Variants in LEPR observed in about 807,000 individuals in gnomAD.
LEPR encodes the protein leptin receptor, also known as OB receptor.
A neutral mutation model predicts 114.7 loss-of-function variants in LEPR; 56 were observed. That is an observed-to-expected ratio of 0.49 (90% CI 0.39 to 0.61). The LOEUF (loss-of-function observed/expected upper bound fraction) is 0.61, where lower values mean the gene tolerates loss of function less well. Ranked by LOEUF, LEPR falls within the 20% of genes least tolerant of loss-of-function variation. LEPR has a pLI of 0.00. For missense variants in LEPR, 1,202 were observed against 1,352.9 expected (o/e 0.89, Z 1.75); for synonymous variants, 443 against 461.4 (o/e 0.96, Z 0.51).
intron 2 of LEPR, among the ~76,000 whole-genome samples, chr1:65,488,210 T>TTCTCTCTCTC (rs796597694): frequency 2.3e-4 from 6 of 25,874 alleles, no homozygotes; most frequent in African/African-American, 1.1e-3. Context: ...CTTTCTTTCT[T>TTCTCTCTCTC]TCTCTCTCTC....
At chr1:65,434,567 C>T (rs1646532976) in intron 2 of LEPR, 2 of 985,296 alleles carry the variant, frequency 2.0e-6, no homozygotes, top group Non-Finnish European at 2.4e-6. Flanking sequence ...TATACCTAAC[C>T]TGTGATACTG....
At chr1:65,627,629 T>C (rs1658296755) in intron 19 of LEPR, among the ~76,000 whole-genome samples, 1 of 152,070 alleles carries the variant, frequency 6.6e-6, no homozygotes, top group Non-Finnish European at 1.5e-5. Context: ...AGAAATGAAA[T>C]AGCAAATCCA....
At chr1:65,598,402 T>G (rs1483031056) in intron 7 of LEPR, among the ~76,000 whole-genome samples, 1 of 152,136 alleles carries the variant, frequency 6.6e-6, no homozygotes, top group Non-Finnish European at 1.5e-5. Flanking sequence ...AGGTCATATA[T>G]TCATCATGAT....
chr1:65,541,136 T>A (rs1294075354), intron 2 of LEPR, among the ~76,000 whole-genome samples: 1 of 152,188 alleles, frequency 6.6e-6, no homozygotes, highest in African/African-American at 2.4e-5. Flanking sequence ...GTTTACCATC[T>A]TGAACCTGAA....
intron 2 of LEPR, among the ~76,000 whole-genome samples, chr1:65,504,645 G>A (rs1648631014): frequency 6.6e-6 from 1 of 152,200 alleles, no homozygotes; most frequent in Non-Finnish European, 1.5e-5. Context: ...GCCAAGAGCA[G>A]TCTACGGTGG....
At chr1:65,422,463 C>T (rs1646269917) in intron 1 of LEPR, among the ~76,000 whole-genome samples, 1 of 152,234 alleles carries the variant, frequency 6.6e-6, no homozygotes, top group South Asian at 2.1e-4. Context: ...CCAGAACTGT[C>T]AGAAGATAAA....
intron 5 of LEPR, among the ~76,000 whole-genome samples, chr1:65,583,172 C>T (rs940867886): frequency 6.6e-6 from 1 of 152,144 alleles, no homozygotes; most frequent in Non-Finnish European, 1.5e-5. Context: ...GAACATGGCA[C>T]AGAGCTGAGG....
intron 2 of LEPR, among the ~76,000 whole-genome samples, chr1:65,545,918 T>C (rs1012935449): frequency 3.9e-5 from 6 of 151,960 alleles, no homozygotes; most frequent in Admixed American, 6.6e-5. Flanking sequence ...CTAGGTTTTC[T>C]TCTAGGGTTT....
At chr1:65,467,540 AT>A (rs1406692142) in intron 2 of LEPR, among the ~76,000 whole-genome samples, 2 of 152,268 alleles carry the variant, frequency 1.3e-5, no homozygotes, top group African/African-American at 4.8e-5. Context: ...CTTGAACACA[AT>A]GCTGACAGAA....
At chr1:65,454,445 G>C (rs189655442) in intron 2 of LEPR, among the ~76,000 whole-genome samples, 2 of 151,816 alleles carry the variant, frequency 1.3e-5, no homozygotes, top group Non-Finnish European at 2.9e-5. Context: ...CATGTTTAGC[G>C]CTTTCTTCAG....
chr1:65,455,259 G>A (rs565930285), intron 2 of LEPR, among the ~76,000 whole-genome samples: 23 of 152,092 alleles, frequency 1.5e-4, no homozygotes, highest in African/African-American at 4.8e-4. Flanking sequence ...TAATTTGATC[G>A]TCTGAAGCCT....
chr1:65,528,831 G>A (rs1371160986), intron 2 of LEPR, among the ~76,000 whole-genome samples: 5 of 152,090 alleles, frequency 3.3e-5, no homozygotes, highest in African/African-American at 1.2e-4. Flanking sequence ...TTGAGACGGT[G>A]TCTTGCTCTG....
rs1653678733 is a variant in LEPR, at chr1:65,565,605, G to A, written c.40G>A (p.Glu14Lys). ...ATTCTGTGTGGTTTTGTTACATTGG[G>A]GTAAGTTATTTGCTCATTTGCTGTT... ...QKFCVVLLHW[E>K]FIYVITAFNL... The change falls in exon 3 of 20, where the codon GAA (glutamate) becomes AAA (lysine). Residue 14 changes from glutamate (E) to lysine (K), a missense_variant and splice_region_variant. Glu to Lys is a moderately conservative substitution (Grantham distance 56, BLOSUM62 1). Coordinates refer to ENST00000349533, the MANE Select transcript of LEPR (RefSeq NM_002303.6). 6.2e-7 allele frequency: 1 copy of A among 1,613,696 alleles called. No homozygotes were observed. Among genetic ancestry groups the A allele is most frequent in the Admixed American group, 1.7e-5 (1 of 59,974 alleles).
At chr1:65,608,152 G>GTT (rs11417022) in intron 11 of LEPR, among the ~76,000 whole-genome samples, 3,639 of 139,498 alleles carry the variant, frequency 0.026, 155 homozygotes, top group East Asian at 0.2. Flanking sequence ...CAGTCCATGG[G>GTT]TTTTTTTTTT....
intron 2 of LEPR, among the ~76,000 whole-genome samples, chr1:65,444,991 G>A (rs1570460946): frequency 6.6e-6 from 1 of 152,138 alleles, no homozygotes; most frequent in South Asian, 2.1e-4. Flanking sequence ...CAAGGGCAGC[G>A]ACTTTGTACT....
chr1:65,470,198 C>T (rs1647065795), intron 2 of LEPR, among the ~76,000 whole-genome samples: 1 of 152,218 alleles, frequency 6.6e-6, no homozygotes, highest in African/African-American at 2.4e-5. Context: ...ACTTATTGTG[C>T]CAATGTTGAC....
intron 5 of LEPR, among the ~76,000 whole-genome samples, chr1:65,578,737 A>G (rs920014347): frequency 2.0e-5 from 3 of 152,184 alleles, no homozygotes; most frequent in African/African-American, 7.2e-5. Context: ...GAATCCTTAT[A>G]TAAAATAATA....
intron 19 of LEPR, among the ~76,000 whole-genome samples, chr1:65,630,654 C>T (rs1658479464): frequency 1.3e-5 from 2 of 151,572 alleles, no homozygotes; most frequent in Non-Finnish European, 2.9e-5. Context: ...GTAGATCTTC[C>T]ACATCTCTTA....
chr1:65,451,454 A>G (rs1334928854), intron 2 of LEPR, among the ~76,000 whole-genome samples: 2 of 151,902 alleles, frequency 1.3e-5, no homozygotes, highest in African/African-American at 2.4e-5. Flanking sequence ...TGATTTTTGT[A>G]TAAGGTGTAA....
Sources: allele counts gnomAD v4.1 joint callset (sites outside exome capture counted in the v4.1 genomes callset), GRCh38; gene constraint gnomAD v4.1.1; transcripts MANE v1.5; gene names NCBI Gene and HGNC (gene_info 2026-07-23, HGNC 2026-07-21).